MUC22: variants seen among roughly 807,000 people sequenced by gnomAD.
The protein encoded by MUC22 is mucin-22.
In MUC22, 24 loss-of-function variants were observed where a neutral mutation model predicts 40.3. The observed-to-expected ratio is 0.60, with a 90% CI of 0.43 to 0.84. MUC22 has a LOEUF of 0.84. MUC22 is among the 40% of genes least tolerant of loss of function. MUC22 has a pLI of 0.00. For missense variants in MUC22, 1,926 were observed against 2,130.7 expected (o/e 0.90, Z 1.89); for synonymous variants, 765 against 844.5 (o/e 0.91, Z 1.63).
intron 3 of MUC22, among the ~76,000 whole-genome samples, chr6:31,033,328 GAA>G (rs1766215511): frequency 6.6e-6 from 1 of 151,954 alleles, no homozygotes; most frequent in African/African-American, 2.4e-5. Context: ...AAGAAGGAAA[GAA>G]AGAGAGAGAG....
chr6:31,023,964 G>C (rs1765073788), intron 1 of MUC22, among the ~76,000 whole-genome samples: 1 of 152,180 alleles, frequency 6.6e-6, no homozygotes, highest in Non-Finnish European at 1.5e-5. Flanking sequence ...CATCATCAAT[G>C]ATGGGACACA....
chr6:31,027,218 C>T (rs1765476875), exon 2 of MUC22: 1 of 1,502,546 alleles, frequency 6.7e-7, no homozygotes, highest in Admixed American at 2.0e-5. Flanking sequence ...TCTGAGACCA[C>T]CACAGTCTCT....
At chr6:31,016,594 A>C (rs1349870443) in intron 1 of MUC22, among the ~76,000 whole-genome samples, 1 of 152,232 alleles carries the variant, frequency 6.6e-6, no homozygotes, top group Non-Finnish European at 1.5e-5. Context: ...GCATTTCCTT[A>C]ATTGCATAGT....
intron 1 of MUC22, among the ~76,000 whole-genome samples, chr6:31,020,465 C>T (rs923723399): frequency 7.7e-5 from 6 of 77,560 alleles, no homozygotes; most frequent in East Asian, 5.8e-4. Context: ...TTTTTTGATA[C>T]GGAGTTTCGC....
At chr6:31,022,318 C>CT (rs1764886993) in intron 1 of MUC22, among the ~76,000 whole-genome samples, 1 of 152,132 alleles carries the variant, frequency 6.6e-6, no homozygotes, top group Non-Finnish European at 1.5e-5. Context: ...ATTAGCCACA[C>CT]CATGCCTGGC....
At chr6:31,009,423 G>A (rs1763721803), upstream of MUC22, among the ~76,000 whole-genome samples, 2 of 152,094 alleles carry the variant, frequency 1.3e-5, no homozygotes, top group Admixed American at 6.5e-5. Flanking sequence ...AGATCAAGAT[G>A]TGCCACATTC....
rs1473408033 is a variant in MUC22 at position 31,026,630 on chromosome 6, C to A, written c.1199C>A (p.Ser400Tyr). The A allele has an allele frequency of 4.0e-6, 6 of 1,507,260 alleles. 2 individuals carry two copies. Among genetic ancestry groups the A allele is most frequent in the Non-Finnish European group, 5.3e-6 (6 of 1,128,662 alleles). 93.4% of individuals were successfully genotyped at this position (1,507,260 alleles called of 1,614,324 possible). A position where few individuals can be genotyped will look rare whatever the true frequency, so the allele number is the denominator to read the frequency against. The change falls in exon 2 of 4, where the codon TCC becomes TAC. Residue 400 changes from serine (S) to tyrosine (Y), a missense_variant. Transcript: ENST00000561890. ...GCAGGCTCTGAGACCACCACAGTCTCCACCGTGGGCTCTGAGACCACCACA... is the reference window on the plus strand; with the variant it reads ...GCAGGCTCTGAGACCACCACAGTCTACACCGTGGGCTCTGAGACCACCACA...
chr6:31,010,156 A>C (rs1380939885), upstream of MUC22, among the ~76,000 whole-genome samples: 4 of 152,172 alleles, frequency 2.6e-5, no homozygotes, highest in Non-Finnish European at 5.9e-5. Context: ...TCTTCTACAA[A>C]GGCCTCCTGC....
chr6:31,030,420 G>A (rs1288657745), intron 2 of MUC22, among the ~76,000 whole-genome samples: 2 of 152,014 alleles, frequency 1.3e-5, no homozygotes, highest in African/African-American at 4.8e-5. Context: ...GGAAGGCTGA[G>A]GCAGGAGAAT....
chr6:31,006,270 G>A (rs1763518126), upstream of MUC22: 2 of 235,324 alleles, frequency 8.5e-6, no homozygotes, highest in South Asian at 7.7e-5. Flanking sequence ...AAATTTTTTA[G>A]ACGTTTATAA....
chr6:31,024,029 A>C (rs1029685277), intron 1 of MUC22, among the ~76,000 whole-genome samples: 3 of 152,224 alleles, frequency 2.0e-5, no homozygotes, highest in African/African-American at 7.2e-5. Context: ...GCATCACTTC[A>C]GTGGTTTTCC....
At chr6:31,021,933 A>G (rs1256606588) in intron 1 of MUC22, among the ~76,000 whole-genome samples, 1 of 152,092 alleles carries the variant, frequency 6.6e-6, no homozygotes, top group African/African-American at 2.4e-5. Context: ...CACTGTTTTT[A>G]TGATCTGTAA....
rs1181308885 is a variant in MUC22 at position 31,027,588 on chromosome 6, T to C, written c.2157T>C (p.Thr719=). The C allele has an allele frequency of 1.1e-5, 17 of 1,525,398 alleles. No homozygotes were observed. The African/African-American group carries it at 2.4e-4, about 21-fold the overall frequency. 94.5% of individuals were successfully genotyped at this position (1,525,398 alleles called of 1,614,324 possible). ...AAGGTTCTGAGACCACTACAGTCAC[T>C]ACCGCAGGCTCTGAGACCAAAACAG... Residue 719 remains threonine, a synonymous_variant, in exon 2 of 4, where the codon ACT becomes ACC. Coordinates refer to ENST00000561890, the Ensembl canonical transcript of MUC22.
At chr6:31,022,132 A>C (rs1048163271) in intron 1 of MUC22, among the ~76,000 whole-genome samples, 8 of 152,126 alleles carry the variant, frequency 5.3e-5, no homozygotes, top group African/African-American at 1.9e-4. Context: ...ACACATCTGA[A>C]CATCAGAAGG....
At chr6:31,026,157 T>C in exon 2 of MUC22, 1 of 1,522,788 alleles carries the variant, frequency 6.6e-7, no homozygotes, top group Non-Finnish European at 8.8e-7. Context: ...CAACCTCAAC[T>C]GCAGACTCCA....
intron 1 of MUC22, among the ~76,000 whole-genome samples, chr6:31,024,993 C>G (rs1765158388): frequency 6.6e-6 from 1 of 151,990 alleles, no homozygotes; most frequent in Non-Finnish European, 1.5e-5. Flanking sequence ...CCTCAGCCTC[C>G]TGAATAGCTG....
At chr6:31,013,652 A>G (rs1054844072) in intron 1 of MUC22, among the ~76,000 whole-genome samples, 2 of 152,146 alleles carry the variant, frequency 1.3e-5, no homozygotes, top group Admixed American at 6.5e-5. Flanking sequence ...GTTGGCATTT[A>G]CGTTCATACT....
At chr6:31,020,545 G>A (rs941932427) in intron 1 of MUC22, among the ~76,000 whole-genome samples, 5 of 149,328 alleles carry the variant, frequency 3.3e-5, no homozygotes, top group African/African-American at 1.2e-4. Context: ...CCCGGTGAGA[G>A]GTGACAGCGT....
chr6:31,035,184 C>G, exon 4 of MUC22: 1 of 497,706 alleles, frequency 2.0e-6, no homozygotes. Flanking sequence ...CTTTGACTGG[C>G]TTGGAGGGGA....
Sources: gnomAD v4.1 joint callset for allele counts (sites outside exome capture counted in the v4.1 genomes callset) on GRCh38, gnomAD v4.1.1 for gene constraint, MANE v1.5 for transcripts, NCBI Gene and HGNC (gene_info 2026-07-23, HGNC 2026-07-21) for gene names.